The following CENPW variants were observed in gnomAD, a reference collection of about 807,000 sequenced individuals.
CENPW encodes the protein cancer-up-regulated gene 2 protein.
A neutral mutation model predicts 11.1 loss-of-function variants in CENPW; 3 were observed. That is an observed-to-expected ratio of 0.27 (90% CI 0.12 to 0.70). The LOEUF is 0.70. CENPW is among the 30% of genes least tolerant of loss of function. The pLI is 0.77. For synonymous variants in CENPW, 38 were observed against 42.0 expected (o/e 0.91, Z 0.37); for missense variants, 100 against 105.6 (o/e 0.95, Z 0.23).
chr6:126,440,147 G>C, the CENPW span, among the ~76,000 whole-genome samples: 1 of 151,750 alleles, frequency 6.6e-6, no homozygotes, highest in South Asian at 2.1e-4. Context: ...ATGTAGGTAT[G>C]GCTGCCTAGG....
chr6:126,432,968 G>A, the CENPW span, among the ~76,000 whole-genome samples: 1 of 152,144 alleles, frequency 6.6e-6, no homozygotes, highest in Non-Finnish European at 1.5e-5. Context: ...GAAAACTCTA[G>A]GGGAAGGAGT....
the CENPW span, among the ~76,000 whole-genome samples, chr6:126,441,321 A>C: frequency 6.6e-6 from 1 of 151,324 alleles, no homozygotes; most frequent in Non-Finnish European, 1.5e-5. Context: ...TTTTCCTTGG[A>C]TGCTCTGTTC....
At chr6:126,368,652 T>G in the CENPW span, among the ~76,000 whole-genome samples, 1 of 149,940 alleles carries the variant, frequency 6.7e-6, no homozygotes, top group African/African-American at 2.4e-5. Flanking sequence ...AATGTGTAGT[T>G]TTTTTTTTTT....
In CENPW at chr6:126,340,237, C is replaced by T; in HGVS notation, c.-37C>T. 5 of 1,607,216 alleles carry T rather than the reference C, an allele frequency of 3.1e-6. No individual in the cohort carries two copies. The highest frequency in any genetic ancestry group is 1.3e-5 in the African/African-American group (1 of 74,824). The stretch of plus-strand genomic sequence containing the variant: ...GAGCTTGTGTGCGATACAGAGAGCA[C>T]CTCGGAAGCTGAGGCAGCTGGTACT... On this transcript the variant is annotated 5_prime_UTR_variant, in exon 1 of 3. Coordinates refer to ENST00000368328, the MANE Select transcript of CENPW (RefSeq NM_001012507.4).
intron 1 of CENPW, 47 bp downstream of exon 1, chr6:126,340,446 T>G (rs375772295): frequency 9.3e-6 from 15 of 1,613,628 alleles, no homozygotes; most frequent in African/African-American, 1.3e-5. Context: ...ACGGGAGAGG[T>G]AAGGGCAATA....
chr6:126,347,441 C>A lies in CENPW; in HGVS notation c.241-1025C>A, dbSNP rs548871618. Among the ~76,000 whole-genome samples, 48 of 152,184 alleles carry A rather than the reference C, an allele frequency of 3.2e-4. 2 individuals are homozygous for A. The South Asian group carries it at 9.8e-3, about 31-fold the overall frequency. ...TATAGCAATAAGGAAACTTGTTGAA[C>A]TCCATTTAGTATTTTGTAAGTTTGA... On this transcript the variant is annotated intron_variant, in intron 2 of 2. Transcript: ENST00000368328.
At chr6:126,359,503 C>T in the CENPW span, among the ~76,000 whole-genome samples, 3 of 152,030 alleles carry the variant, frequency 2.0e-5, no homozygotes, top group African/African-American at 4.8e-5. Context: ...AGTGATCTGT[C>T]TAATGCTGTC....
chr6:126,476,326 C>T, the CENPW span, among the ~76,000 whole-genome samples: 14 of 151,880 alleles, frequency 9.2e-5, no homozygotes, highest in East Asian at 5.8e-4. Flanking sequence ...TTAAACATGA[C>T]GAAGATTAGT....
At chr6:126,361,939 A>G in the CENPW span, among the ~76,000 whole-genome samples, 2 of 152,150 alleles carry the variant, frequency 1.3e-5, no homozygotes, top group African/African-American at 4.8e-5. Context: ...GCAGGCTCGG[A>G]GGGCCAGTGG....
At chr6:126,477,268 G>C in the CENPW span, among the ~76,000 whole-genome samples, 1 of 151,850 alleles carries the variant, frequency 6.6e-6, no homozygotes, top group African/African-American at 2.4e-5. Context: ...ATCACTGATA[G>C]GATTGAAAAC....
chr6:126,423,868 T>C, the CENPW span, among the ~76,000 whole-genome samples: 2 of 151,692 alleles, frequency 1.3e-5, no homozygotes, highest in African/African-American at 4.8e-5. Context: ...TACTTTAAGT[T>C]TTAGGGTACA....
At chr6:126,409,693 T>TA in the CENPW span, among the ~76,000 whole-genome samples, 1 of 152,098 alleles carries the variant, frequency 6.6e-6, no homozygotes, top group African/African-American at 2.4e-5. Context: ...GTCTTTTACT[T>TA]AAAGCTTGTT....
chr6:126,386,839 A>G, the CENPW span, among the ~76,000 whole-genome samples: 1 of 152,024 alleles, frequency 6.6e-6, no homozygotes, highest in African/African-American at 2.4e-5. Flanking sequence ...CTTGATAAGT[A>G]CAATAATTGG....
At chr6:126,352,769 A>G (rs1375975746), downstream of CENPW, among the ~76,000 whole-genome samples, 1 of 152,076 alleles carries the variant, frequency 6.6e-6, no homozygotes, top group Admixed American at 6.6e-5. Flanking sequence ...TTTACATTTA[A>G]TGTAATTACT....
chr6:126,440,684 G>T, the CENPW span, among the ~76,000 whole-genome samples: 1 of 151,492 alleles, frequency 6.6e-6, no homozygotes, highest in African/African-American at 2.4e-5. Context: ...TCAGAATATA[G>T]TGGGGTATTT....
the CENPW span, among the ~76,000 whole-genome samples, chr6:126,449,282 A>G: frequency 3.8e-4 from 57 of 151,256 alleles, no homozygotes; most frequent in Middle Eastern, 3.4e-3. Context: ...TCTACCTTGT[A>G]ATGTAATTAC....
the CENPW span, among the ~76,000 whole-genome samples, chr6:126,442,487 T>C: frequency 6.6e-6 from 1 of 151,368 alleles, no homozygotes; most frequent in African/African-American, 2.4e-5. Flanking sequence ...GATTGCTTTT[T>C]CTGTGAATAA....
At chr6:126,446,619 G>A in the CENPW span, among the ~76,000 whole-genome samples, 1 of 150,992 alleles carries the variant, frequency 6.6e-6, no homozygotes, top group Admixed American at 6.6e-5. Context: ...ACTGTGATGG[G>A]TTTATCCTTC....
chr6:126,425,778 G>A, the CENPW span, among the ~76,000 whole-genome samples: 2 of 150,820 alleles, frequency 1.3e-5, no homozygotes, highest in South Asian at 2.1e-4. Context: ...TTCTATAAAA[G>A]TTTGGTTATC....
Sources: allele counts gnomAD v4.1 joint callset (sites outside exome capture counted in the v4.1 genomes callset), GRCh38; gene constraint gnomAD v4.1.1; transcripts MANE v1.5; gene names NCBI Gene and HGNC (gene_info 2026-07-23, HGNC 2026-07-21).